JMJD1C: variants seen among roughly 807,000 people sequenced by gnomAD.
JMJD1C encodes the protein jumonji domain containing 1C.
JMJD1C carries 31 observed loss-of-function variants against 245.3 expected under a neutral mutation model. That is an observed-to-expected ratio of 0.13 (90% CI 0.09 to 0.17). The LOEUF is 0.17. Ranked by LOEUF, JMJD1C falls within the 10% of genes least tolerant of loss-of-function variation. The pLI, the probability that JMJD1C is intolerant of heterozygous loss-of-function variation, is 1.00. For synonymous variants in JMJD1C, 1,057 were observed against 1,017.4 expected, an observed-to-expected ratio of 1.04 and a Z score of -0.74; for missense variants, 2,691 against 3,000.2, an observed-to-expected ratio of 0.90 and a Z score of 2.41.
intron 1 of JMJD1C, among the ~76,000 whole-genome samples, chr10:63,500,007 A>G (rs1954492222): frequency 6.6e-6 from 1 of 152,244 alleles, no homozygotes; most frequent in Non-Finnish European, 1.5e-5. Flanking sequence ...TATTCATATT[A>G]GGTAGATCAG....
intron 1 of JMJD1C, among the ~76,000 whole-genome samples, chr10:63,434,090 C>G (rs1950930157): frequency 6.6e-6 from 1 of 152,024 alleles, no homozygotes; most frequent in African/African-American, 2.4e-5. Flanking sequence ...TCATATAAAC[C>G]AACAAAACAC....
chr10:63,197,386 A>G lies in JMJD1C; in HGVS notation c.5644+25T>C, dbSNP rs1381811281. ...CTAAAGAAAAATTATAAAAAACTTC[A>G]ATTTATATAAACTTATACACCAACC... On this transcript the variant is annotated intron_variant, in intron 13 of 25. Transcript: ENST00000399262. The G allele has an allele frequency of 3.2e-6, 5 of 1,580,162 alleles. No homozygotes were observed. The South Asian group carries it at 3.5e-5, about 11-fold the overall frequency.
At chr10:63,385,847 C>A (rs1947550391) in intron 1 of JMJD1C, among the ~76,000 whole-genome samples, 1 of 151,702 alleles carries the variant, frequency 6.6e-6, no homozygotes, top group Non-Finnish European at 1.5e-5. Context: ...TTTGTATAAC[C>A]CAGGATACTC....
intron 1 of JMJD1C, among the ~76,000 whole-genome samples, chr10:63,435,475 T>C (rs1951009522): frequency 1.3e-5 from 2 of 152,054 alleles, no homozygotes; most frequent in African/African-American, 2.4e-5. Flanking sequence ...GTCCAAGAAA[T>C]GGAAAATGAA....
chr10:63,368,556 C>G lies in JMJD1C; in HGVS notation c.333+11762G>C, dbSNP rs557035018. 2.6e-5 allele frequency among the ~76,000 whole-genome samples: 4 copies of G among 152,262 alleles called. No homozygotes were observed. The South Asian group carries it at 8.3e-4, about 32-fold the overall frequency. Reference sequence around the variant, plus strand: ...CAGGTAAGGGTCAATTCTGCTGAGGCGGCATAGCAAATTCCTCTGCAATTC... The same window carrying G: ...CAGGTAAGGGTCAATTCTGCTGAGGGGGCATAGCAAATTCCTCTGCAATTC... On this transcript the variant is annotated intron_variant, in intron 2 of 25. Coordinates refer to ENST00000399262, the MANE Select transcript of JMJD1C (RefSeq NM_032776.3).
At chr10:63,412,370 T>C (rs1949538470) in intron 1 of JMJD1C, among the ~76,000 whole-genome samples, 3 of 152,244 alleles carry the variant, frequency 2.0e-5, no homozygotes. Context: ...TGTTCTATGG[T>C]ATCATTCGAA....
chr10:63,214,735 A>T lies in JMJD1C; in HGVS notation c.1432T>A (p.Leu478Ile), dbSNP rs200244168. The change falls in exon 8 of 26, where the codon TTA becomes ATA. Residue 478 changes from leucine (L) to isoleucine (I), a missense_variant. Physicochemically the swap from Leu to Ile is conservative, Grantham distance 5 (BLOSUM62 2). Around this residue, in one of 9 missense-constraint regions of JMJD1C, gnomAD observed 1,562 missense variants for 1,490.7 expected, o/e 1.05. Coordinates refer to ENST00000399262, the MANE Select transcript of JMJD1C (RefSeq NM_032776.3). ...STVSDHNSND[L>I]LPQECNMDKT... The stretch of plus-strand genomic sequence containing the variant: ...TCCATATTGCATTCCTGAGGAAGTA[A>T]ATCATTAGAATTATGATCAGAAACT... 1.9e-6 allele frequency: 3 copies of T among 1,613,966 alleles called. No homozygotes were observed. The highest frequency in any genetic ancestry group is 2.7e-5 in the African/African-American group (2 of 75,042).
chr10:63,396,226 C>T (rs1041964548), intron 1 of JMJD1C, among the ~76,000 whole-genome samples: 2 of 152,104 alleles, frequency 1.3e-5, no homozygotes, highest in African/African-American at 4.8e-5. Flanking sequence ...CATTCTAAAT[C>T]TCACGTGCCT....
At chr10:63,368,614 C>T (rs139832645) in intron 2 of JMJD1C, among the ~76,000 whole-genome samples, 104 of 152,330 alleles carry the variant, frequency 6.8e-4, no homozygotes, top group Middle Eastern at 6.8e-3. Flanking sequence ...AACAGCATCA[C>T]GTTGTGACAT....
intron 1 of JMJD1C, among the ~76,000 whole-genome samples, chr10:63,476,231 A>T (rs950073200): frequency 1.4e-5 from 2 of 148,084 alleles, no homozygotes; most frequent in African/African-American, 4.9e-5. Context: ...ATATATACAT[A>T]TATTTATTTA....
intron 1 of JMJD1C, among the ~76,000 whole-genome samples, chr10:63,509,642 T>C (rs1400310267): frequency 6.6e-6 from 1 of 152,220 alleles, no homozygotes; most frequent in Non-Finnish European, 1.5e-5. Flanking sequence ...TGGCAGATTG[T>C]ACCTTTCAAA....
At chr10:63,226,714 C>CAA (rs35375607) in intron 3 of JMJD1C, among the ~76,000 whole-genome samples, 34,954 of 84,538 alleles carry the variant, frequency 0.41, 7,957 homozygotes, top group South Asian at 0.49. Context: ...AACCCTGTTT[C>CAA]AAAAAAAAAA....
intron 1 of JMJD1C, among the ~76,000 whole-genome samples, chr10:63,414,347 AAC>A (rs1949679016): frequency 1.3e-5 from 2 of 152,104 alleles, no homozygotes; most frequent in East Asian, 1.9e-4. Context: ...ATTCTTAGTA[AAC>A]AGTTTCTCTT....
Position 63,216,579 on chromosome 10 carries a change from G to A in JMJD1C, c.678+628C>T, listed in dbSNP as rs561806391. On this transcript the variant is annotated intron_variant, in intron 5 of 25. Coordinates refer to ENST00000399262, the MANE Select transcript of JMJD1C (RefSeq NM_032776.3). ...CAAAAAAATAGCCGGGCGTGGTGGC[G>A]GGCGCCTGTAGTCACAGCTACTCGG... 1.6e-3 allele frequency among the ~76,000 whole-genome samples: 250 copies of A among 152,048 alleles called. 1 individual carries two copies. The highest frequency in any genetic ancestry group is 5.6e-3 in the African/African-American group (232 of 41,468).
chr10:63,312,352 C>T (rs1326586656), intron 2 of JMJD1C, among the ~76,000 whole-genome samples: 1 of 152,122 alleles, frequency 6.6e-6, no homozygotes, highest in Non-Finnish European at 1.5e-5. Context: ...AGGTGATCCG[C>T]CCACCTTGGC....
chr10:63,406,689 T>C (rs1481096294), intron 1 of JMJD1C, among the ~76,000 whole-genome samples: 1 of 151,710 alleles, frequency 6.6e-6, no homozygotes, highest in East Asian at 1.9e-4. Context: ...AGGAATAAAA[T>C]AAAAAAATAA....
At chr10:63,265,558 A>ACTATCACACTC (rs1245593184) in intron 2 of JMJD1C, among the ~76,000 whole-genome samples, 2 of 152,204 alleles carry the variant, frequency 1.3e-5, no homozygotes, top group Admixed American at 6.6e-5. Context: ...TTTCTTTATG[A>ACTATCACACTC]CTATCACACT....
intron 1 of JMJD1C, among the ~76,000 whole-genome samples, chr10:63,518,348 C>T (rs1955090629): frequency 6.6e-6 from 1 of 152,094 alleles, no homozygotes; most frequent in Middle Eastern, 3.2e-3. Flanking sequence ...AACAAAATAA[C>T]AATATTCCTA....
chr10:63,223,815 G>A (rs1170127421), intron 3 of JMJD1C, among the ~76,000 whole-genome samples: 9 of 152,030 alleles, frequency 5.9e-5, no homozygotes, highest in Admixed American at 5.9e-4. Flanking sequence ...GTGCAGTGGT[G>A]CAATCTCGGT....
Sources: gnomAD v4.1 joint callset for allele counts (sites outside exome capture counted in the v4.1 genomes callset) on GRCh38, gnomAD v4.1.1 for gene constraint, gnomAD v4.1.1 regional missense constraint, MANE v1.5 for transcripts, NCBI Gene and HGNC (gene_info 2026-07-23, HGNC 2026-07-21) for gene names.